Variants in IMPG1 observed in about 807,000 individuals in gnomAD.
The protein encoded by IMPG1 is interphotoreceptor matrix proteoglycan 1, also known as interphotoreceptor matrix proteoglycan of 150 kDa.
Under a neutral mutation model 92.0 loss-of-function variants are expected in IMPG1, and 85 were observed. The observed-to-expected ratio is 0.92, with a 90% CI of 0.78 to 1.11. The LOEUF is 1.11. Among genes scored for constraint, IMPG1 ranks in the 50% least tolerant of loss-of-function variants. The pLI, the probability that IMPG1 is intolerant of heterozygous loss-of-function variation, is 0.00. For synonymous variants in IMPG1, 367 were observed against 334.1 expected (o/e 1.10, Z -1.08); for missense variants, 1,022 against 956.0 (o/e 1.07, Z -0.91).
chr6:76,071,631 T>C (rs918233095), intron 1 of IMPG1, among the ~76,000 whole-genome samples: 1 of 152,040 alleles, frequency 6.6e-6, no homozygotes, highest in Non-Finnish European at 1.5e-5. Context: ...ACCAATACTT[T>C]AGTTAAAATG....
At chr6:75,924,445 A>T (rs1174381017) in intron 15 of IMPG1, among the ~76,000 whole-genome samples, 2 of 105,624 alleles carry the variant, frequency 1.9e-5, no homozygotes, top group African/African-American at 3.8e-5. Context: ...TAATTATATA[A>T]TATAACATAA....
chr6:75,973,466 A>T (rs181166553), intron 12 of IMPG1, among the ~76,000 whole-genome samples: 1 of 152,342 alleles, frequency 6.6e-6, no homozygotes, highest in Non-Finnish European at 1.5e-5. Flanking sequence ...ATTTTACTAG[A>T]TGATAAAAAC....
chr6:76,058,061 T>G (rs1207517726), intron 1 of IMPG1, among the ~76,000 whole-genome samples: 2 of 152,146 alleles, frequency 1.3e-5, no homozygotes, highest in African/African-American at 4.8e-5. Context: ...TGCCAGTGAA[T>G]TTTGTGAGTC....
intron 12 of IMPG1, among the ~76,000 whole-genome samples, chr6:75,967,199 G>T (rs1245995206): frequency 6.6e-6 from 1 of 151,948 alleles, no homozygotes; most frequent in Non-Finnish European, 1.5e-5. Context: ...GGAATTTAGA[G>T]GCCCAAACAA....
chr6:75,931,433 C>T (rs1781668069), intron 14 of IMPG1, among the ~76,000 whole-genome samples: 2 of 152,192 alleles, frequency 1.3e-5, no homozygotes, highest in South Asian at 4.1e-4. Context: ...TTCCTGAGCC[C>T]CACACTCAGA....
At chr6:76,026,867 G>C (rs1248644074) in intron 4 of IMPG1, among the ~76,000 whole-genome samples, 1 of 152,092 alleles carries the variant, frequency 6.6e-6, no homozygotes, top group East Asian at 1.9e-4. Flanking sequence ...TACATCCTGA[G>C]GGCATGGCTT....
intron 7 of IMPG1, among the ~76,000 whole-genome samples, chr6:76,016,295 A>G (rs1783286246): frequency 6.6e-6 from 1 of 152,242 alleles, no homozygotes; most frequent in African/African-American, 2.4e-5. Context: ...GCATTATTCT[A>G]CATCAGATTG....
chr6:76,070,438 C>T (rs1357390070), intron 1 of IMPG1, among the ~76,000 whole-genome samples: 1 of 152,054 alleles, frequency 6.6e-6, no homozygotes, highest in Non-Finnish European at 1.5e-5. Flanking sequence ...ATAGAACTAC[C>T]CTTTGATCCA....
intron 12 of IMPG1, among the ~76,000 whole-genome samples, chr6:75,967,761 T>C (rs1187514888): frequency 6.6e-6 from 1 of 152,202 alleles, no homozygotes. Context: ...GCTAGTGTCA[T>C]GTTTATTGCA....
chr6:75,984,215 G>C (rs1372843641), intron 12 of IMPG1, among the ~76,000 whole-genome samples: 5 of 152,038 alleles, frequency 3.3e-5, no homozygotes, highest in Non-Finnish European at 7.4e-5. Context: ...CCCACTAGTG[G>C]GTATATATAC....
intron 12 of IMPG1, among the ~76,000 whole-genome samples, chr6:75,964,605 A>T (rs1253731795): frequency 1.4e-5 from 2 of 145,390 alleles, no homozygotes; most frequent in Non-Finnish European, 3.0e-5. Context: ...TGAACCCAGG[A>T]GGCAGACGTT....
intron 12 of IMPG1, among the ~76,000 whole-genome samples, chr6:75,993,707 A>T (rs1782852825): frequency 6.6e-6 from 1 of 152,194 alleles, no homozygotes; most frequent in South Asian, 2.1e-4. Flanking sequence ...AAACGTTCTC[A>T]ATTTTCCACA....
intron 12 of IMPG1, among the ~76,000 whole-genome samples, chr6:75,970,269 C>G (rs1391197336): frequency 6.6e-6 from 1 of 151,786 alleles, no homozygotes; most frequent in Non-Finnish European, 1.5e-5. Context: ...GAGAGGCAGC[C>G]CAAGGCTACA....
intron 1 of IMPG1, among the ~76,000 whole-genome samples, chr6:76,050,913 A>T (rs1277878052): frequency 1.3e-5 from 2 of 152,212 alleles, no homozygotes; most frequent in African/African-American, 4.8e-5. Flanking sequence ...TGAAAGCAAC[A>T]GCCATTGGTA....
intron 6 of IMPG1, among the ~76,000 whole-genome samples, chr6:76,020,854 C>T (rs1426298186): frequency 6.6e-6 from 1 of 152,204 alleles, no homozygotes; most frequent in African/African-American, 2.4e-5. Flanking sequence ...CAATCTGACT[C>T]TGGCATAACA....
rs1781662384 is a variant in IMPG1, at chr6:75,931,122, C to T, written c.2074G>A (p.Ala692Thr). ...ACACATTGGGCAAATTCGCCGCAGG[C>T]CAGGAACTTGCAGGGATCTGCTTGA... ...ADQADPCKFL[A>T]CGEFAQCVKN... Residue 692 changes from alanine (A) to threonine (T), a missense_variant, in exon 15 of 17, where the codon GCC becomes ACC. This residue lies in a region of IMPG1 where 332 missense variants were observed against 346.2 expected (regional missense o/e 0.96). Transcript: ENST00000369950. The T allele has an allele frequency of 1.2e-6, 2 of 1,613,716 alleles. No homozygotes were observed. The highest frequency in any genetic ancestry group is 3.3e-5 in the Admixed American group (2 of 59,958).
chr6:76,056,545 C>T (rs1377516159), intron 1 of IMPG1, among the ~76,000 whole-genome samples: 3 of 152,076 alleles, frequency 2.0e-5, no homozygotes, highest in Non-Finnish European at 4.4e-5. Context: ...TGGGCATGCA[C>T]CCAGCAAAGG....
intron 12 of IMPG1, among the ~76,000 whole-genome samples, chr6:75,965,907 A>G (rs1201158088): frequency 6.6e-6 from 1 of 152,060 alleles, no homozygotes; most frequent in African/African-American, 2.4e-5. Flanking sequence ...ACGCCCAGCC[A>G]CACACTTGTT....
chr6:75,992,325 T>C (rs1016632603), intron 12 of IMPG1, among the ~76,000 whole-genome samples: 8 of 152,166 alleles, frequency 5.3e-5, no homozygotes, highest in African/African-American at 1.7e-4. Context: ...TCTCATTGTG[T>C]TCCATTCCAG....
Sources: gnomAD v4.1 joint callset for allele counts (sites outside exome capture counted in the v4.1 genomes callset) on GRCh38, gnomAD v4.1.1 for gene constraint, gnomAD v4.1.1 regional missense constraint, MANE v1.5 for transcripts, NCBI Gene and HGNC (gene_info 2026-07-23, HGNC 2026-07-21) for gene names.